The following ASCL5 variants were observed in gnomAD, a reference collection of about 807,000 sequenced individuals.
The protein encoded by ASCL5 is achaete-scute family bHLH transcription factor 5, also known as achaete-scute homolog 5.
For missense variants in ASCL5, 262 were observed against 268.9 expected, an observed-to-expected ratio of 0.97 and a Z score of 0.18; for synonymous variants, 124 against 131.5, an observed-to-expected ratio of 0.94 and a Z score of 0.39.
chr1:201,125,048 C>T (rs756003531), intron 1 of ASCL5, among the ~76,000 whole-genome samples: 12 of 152,226 alleles, frequency 7.9e-5, no homozygotes, highest in Admixed American at 3.9e-4. Context: ...CGTTGGCTTA[C>T]GACCAGGGAC....
At chr1:201,116,265 G>A (rs2102199009) in intron 1 of ASCL5, among the ~76,000 whole-genome samples, 1 of 152,268 alleles carries the variant, frequency 6.6e-6, no homozygotes, top group African/African-American at 2.4e-5. Context: ...ACATCTAGAA[G>A]CGGGTCTGAG....
chr1:201,127,073 C>T lies in ASCL5; in HGVS notation c.-506+11G>A, dbSNP rs992608101. ...GGGCACATCCCTCAGCCACCACCTT[C>T]GCACGGTTACCTCTCTGGGTTTGTT... On this transcript the variant is annotated intron_variant, in intron 1 of 1. Transcript: ENST00000449188. 2.0e-5 allele frequency: 3 copies of T among 152,462 alleles called. No homozygotes were observed. The highest frequency in any genetic ancestry group is 7.2e-5 in the African/African-American group (3 of 41,456). The allele number at this position is 152,462 out of a possible 1,614,324, so 9.4% of individuals were successfully genotyped here.
At chr1:201,126,230 G>C (rs1663577568) in intron 1 of ASCL5, among the ~76,000 whole-genome samples, 1 of 151,908 alleles carries the variant, frequency 6.6e-6, no homozygotes. Context: ...TGAACTCCTG[G>C]GTCCAAGTAA....
At position 201,125,635 on chromosome 1, in the gene ASCL5, C is replaced by T. The variant is rs138887082; in HGVS notation, c.-506+1449G>A. Among the ~76,000 whole-genome samples the T allele has an allele frequency of 5.3e-5, 8 of 152,328 alleles. No homozygotes were observed. The East Asian group carries it at 1.4e-3, about 26-fold the overall frequency. On this transcript the variant is annotated intron_variant, in intron 1 of 1. Coordinates refer to ENST00000449188, the MANE Select transcript of ASCL5 (RefSeq NM_001270601.2). ...GGCGTGCCCTCGCCTTGCTGTTCAC[C>T]TTGCTGTGCATTTGTGTCTTGCTCT...
At chr1:201,116,163 C>G (rs562671292) in intron 1 of ASCL5, among the ~76,000 whole-genome samples, 4 of 152,186 alleles carry the variant, frequency 2.6e-5, no homozygotes, top group Non-Finnish European at 5.9e-5. Flanking sequence ...AAAAACACCT[C>G]CTAAAGGTCA....
chr1:201,123,207 C>T (rs1200760052), intron 1 of ASCL5, among the ~76,000 whole-genome samples: 2 of 152,188 alleles, frequency 1.3e-5, no homozygotes, highest in African/African-American at 2.4e-5. Flanking sequence ...CCCCTCCAAT[C>T]TTTGAATGAA....
chr1:201,124,625 C>T (rs779099301), intron 1 of ASCL5, among the ~76,000 whole-genome samples: 35 of 152,344 alleles, frequency 2.3e-4, no homozygotes, highest in Non-Finnish European at 4.3e-4. Context: ...CTGGTGGCCT[C>T]TGCAGATCAT....
Position 201,115,002 on chromosome 1 carries a change from G to T in ASCL5, c.371C>A (p.Thr124Lys). The T allele has an allele frequency of 2.4e-6, 3 of 1,231,758 alleles. No individual in the cohort carries two copies. Among genetic ancestry groups the T allele is most frequent in the Non-Finnish European group, 3.0e-6 (3 of 988,020 alleles). 76.3% of individuals were successfully genotyped at this position (1,231,758 alleles called of 1,614,324 possible). Residue 124 changes from threonine to lysine, a missense_variant, in exon 2 of 2, where the codon ACG becomes AAG. Transcript: ENST00000449188. The part of the protein sequence containing the change: ...LAEKRLSKVE[T>K]LRAAIRYIKY... Reference sequence around the variant, plus strand: ...TATGTAGCGGATGGCGGCGCGCAGCGTCTCCACCTTGCTGAGTCGCTTCTC... The same window carrying T: ...TATGTAGCGGATGGCGGCGCGCAGCTTCTCCACCTTGCTGAGTCGCTTCTC...
chr1:201,116,080 C>T (rs772154961), intron 1 of ASCL5, among the ~76,000 whole-genome samples: 6 of 152,062 alleles, frequency 3.9e-5, no homozygotes, highest in African/African-American at 1.4e-4. Context: ...GTTTCCATAA[C>T]GGAAGGGCAA....
Position 201,115,455 on chromosome 1 carries a change from C to T in ASCL5, c.-83G>A, listed in dbSNP as rs1663320097. 8.8e-7 allele frequency: 1 copy of T among 1,129,984 alleles called. No individual in the cohort carries two copies. Among genetic ancestry groups the T allele is most frequent in the Non-Finnish European group, 1.1e-6 (1 of 895,828 alleles). 70.0% of individuals were successfully genotyped at this position (1,129,984 alleles called of 1,614,324 possible). ...GTCTGCACCGTCTCCACCAGTGGGG[C>T]AAGTCACATCGCTAGCAGCAGCTCT... On this transcript the variant is annotated 5_prime_UTR_variant, in exon 2 of 2. Transcript: ENST00000449188.
intron 1 of ASCL5, among the ~76,000 whole-genome samples, chr1:201,116,290 TAGC>T (rs1663347833): frequency 6.6e-6 from 1 of 152,160 alleles, no homozygotes; most frequent in African/African-American, 2.4e-5. Flanking sequence ...CTTATTGGAT[TAGC>T]AGCAGCAGCC....
chr1:201,127,041 C>G (rs1259856914), intron 1 of ASCL5, 43 bp downstream of exon 1: 1 of 152,404 alleles, frequency 6.6e-6, no homozygotes, highest in Non-Finnish European at 1.5e-5. Flanking sequence ...ATTTCAGGAT[C>G]AAACTCGGGC....
chr1:201,127,060 C>T (rs1246420547), intron 1 of ASCL5, 24 bp downstream of exon 1: 1 of 152,480 alleles, frequency 6.6e-6, no homozygotes, highest in Non-Finnish European at 1.5e-5. Flanking sequence ...GCACATCCCT[C>T]AGCCACCACC....
chr1:201,116,922 C>T lies in ASCL5; in HGVS notation c.-505-1045G>A, dbSNP rs114468557. ...AGCATGACACCTTGGCCACTGGGCA[C>T]GGCCTCTCCAAGAGACAGAAAGGAG... On this transcript the variant is annotated intron_variant, in intron 1 of 1. Coordinates refer to ENST00000449188, the MANE Select transcript of ASCL5 (RefSeq NM_001270601.2). Among the ~76,000 whole-genome samples, 463 of 152,282 alleles carry T rather than the reference C, an allele frequency of 3.0e-3. 1 individual carries two copies. The highest frequency in any genetic ancestry group is 0.011 in the African/African-American group (438 of 41,552).
intron 1 of ASCL5, among the ~76,000 whole-genome samples, chr1:201,121,505 G>A (rs576681783): frequency 6.6e-6 from 1 of 152,020 alleles, no homozygotes; most frequent in Non-Finnish European, 1.5e-5. Context: ...TTCCAATAGG[G>A]TTCTGTTTTA....
Position 201,114,553 on chromosome 1 carries a change from G to A in ASCL5, c.*199C>T. On this transcript the variant is annotated 3_prime_UTR_variant, in exon 2 of 2. Coordinates refer to ENST00000449188, the MANE Select transcript of ASCL5 (RefSeq NM_001270601.2). ...CACGGAGCTCCTAGGTCTCTATCGTGCCCATCGTACCCGCTGCCCTGCACT... is the reference window on the plus strand; with the variant it reads ...CACGGAGCTCCTAGGTCTCTATCGTACCCATCGTACCCGCTGCCCTGCACT... 1 of 415,460 alleles carries A rather than the reference G, an allele frequency of 2.4e-6. No individual in the cohort carries two copies. The highest frequency in any genetic ancestry group is 3.8e-5 in the East Asian group (1 of 26,306). 25.7% of individuals were successfully genotyped at this position (415,460 alleles called of 1,614,324 possible). A position where few individuals can be genotyped will look rare whatever the true frequency, so the allele number is the denominator to read the frequency against.
intron 1 of ASCL5, among the ~76,000 whole-genome samples, chr1:201,117,850 A>T (rs1392897523): frequency 6.6e-6 from 1 of 152,336 alleles, no homozygotes; most frequent in East Asian, 1.9e-4. Context: ...TTTATTTCTC[A>T]GGTAACACCT....
chr1:201,117,746 G>A (rs1663375090), intron 1 of ASCL5, among the ~76,000 whole-genome samples: 1 of 152,146 alleles, frequency 6.6e-6, no homozygotes, highest in South Asian at 2.1e-4. Flanking sequence ...TTCCAACATG[G>A]GTTGTGCATT....
At position 201,115,639 on chromosome 1, in the gene ASCL5, C is replaced by A. The variant is rs571531835; in HGVS notation, c.-267G>T. 3.4e-5 allele frequency: 10 copies of A among 293,802 alleles called. No homozygotes were observed. In the South Asian group the frequency reaches 1.6e-3, roughly 48 times the overall value. The allele number at this position is 293,802 out of a possible 1,614,324, so 18.2% of individuals were successfully genotyped here. A position where few individuals can be genotyped will look rare whatever the true frequency, so the allele number is the denominator to read the frequency against. ...ATGGCGCCGCGGAACTCTGAGGGCC[C>A]GCACCCCGTTCCGCAGCACCCATGG... On this transcript the variant is annotated 5_prime_UTR_variant, in exon 2 of 2. Transcript: ENST00000449188.
Sources: gnomAD v4.1 joint callset for allele counts (sites outside exome capture counted in the v4.1 genomes callset) on GRCh38, gnomAD v4.1.1 for gene constraint, MANE v1.5 for transcripts, NCBI Gene and HGNC (gene_info 2026-07-23, HGNC 2026-07-21) for gene names.